ZDBF2: variants seen among roughly 807,000 people sequenced by gnomAD.
The protein encoded by ZDBF2 is zinc finger DBF-type containing 2.
Under a neutral mutation model 9.4 loss-of-function variants are expected in ZDBF2, and 6 were observed. The ratio of observed to expected loss-of-function variants is 0.64; its 90% CI spans 0.35 to 1.27. The LOEUF is 1.27. Ranked by LOEUF, ZDBF2 falls within the 50% of genes most tolerant of loss-of-function variation. The probability of loss-of-function intolerance (pLI) is 0.03; values close to 1 mark genes in which losing one functional copy is unlikely to be tolerated. For missense variants in ZDBF2, 2,697 were observed against 2,766.8 expected, an observed-to-expected ratio of 0.97 and a Z score of 0.57; for synonymous variants, 905 against 946.3, an observed-to-expected ratio of 0.96 and a Z score of 0.80.
chr2:206,285,052 G>A (rs1300748867), intron 3 of ZDBF2, among the ~76,000 whole-genome samples: 7 of 152,074 alleles, frequency 4.6e-5, no homozygotes, highest in Non-Finnish European at 1.0e-4. Context: ...ATCTGTTGAT[G>A]GACACTTAGA....
At chr2:206,299,775 G>C (rs1201884285) in intron 4 of ZDBF2, among the ~76,000 whole-genome samples, 1 of 151,810 alleles carries the variant, frequency 6.6e-6, no homozygotes, top group Non-Finnish European at 1.5e-5. Flanking sequence ...CATCCGGCCT[G>C]GGCAACATAG....
intron 1 of ZDBF2, among the ~76,000 whole-genome samples, chr2:206,278,628 C>T (rs1350664291): frequency 6.6e-6 from 1 of 152,146 alleles, no homozygotes. Flanking sequence ...TATTAATTTA[C>T]TATCTCCAAA....
intron 4 of ZDBF2, among the ~76,000 whole-genome samples, chr2:206,302,500 T>G (rs1391207855): frequency 1.3e-5 from 2 of 152,312 alleles, no homozygotes; most frequent in African/African-American, 4.8e-5. Context: ...ACCAGCTGTA[T>G]GATTTTATGA....
At chr2:206,281,013 G>C (rs1319348639) in intron 2 of ZDBF2, among the ~76,000 whole-genome samples, 1 of 152,068 alleles carries the variant, frequency 6.6e-6, no homozygotes, top group Non-Finnish European at 1.5e-5. Context: ...TTAATACATT[G>C]GTAGGGCATG....
chr2:206,280,142 C>T (rs1275876339), intron 2 of ZDBF2, among the ~76,000 whole-genome samples: 3 of 152,166 alleles, frequency 2.0e-5, no homozygotes, highest in Non-Finnish European at 4.4e-5. Context: ...AACGTATGTC[C>T]TGGGTTCCCT....
chr2:206,301,989 T>C (rs1206897454), intron 4 of ZDBF2, among the ~76,000 whole-genome samples: 1 of 151,210 alleles, frequency 6.6e-6, no homozygotes, highest in Non-Finnish European at 1.5e-5. Flanking sequence ...AGCTCAAGAG[T>C]TTTTCTTTTT....
Position 206,310,330 on chromosome 2 carries a change from T to A in ZDBF2, c.5802T>A (p.Ala1934=). The stretch of plus-strand genomic sequence containing the variant: ...CTCCTAAGCAAAAGGGGCGTGTGGC[T>A]TCTCAATGCCAGACAGCGAAAATCA... ...ERPPKQKGRV[A]SQCQTAKISH... Residue 1934 remains alanine, a synonymous_variant, in exon 5 of 5, where the codon GCT becomes GCA. Coordinates refer to ENST00000374423, the MANE Select transcript of ZDBF2 (RefSeq NM_020923.3). 4 of 1,613,938 alleles carry A rather than the reference T, an allele frequency of 2.5e-6. No individual in the cohort carries two copies. The highest frequency in any genetic ancestry group is 3.4e-6 in the Non-Finnish European group (4 of 1,179,872).
At chr2:206,282,849 G>C (rs181896766) in intron 3 of ZDBF2, among the ~76,000 whole-genome samples, 1 of 152,216 alleles carries the variant, frequency 6.6e-6, no homozygotes, top group Non-Finnish European at 1.5e-5. Context: ...AACCCTGTAC[G>C]CACTGAGCAG....
At chr2:206,296,524 A>G (rs539910891) in intron 3 of ZDBF2, among the ~76,000 whole-genome samples, 1 of 152,326 alleles carries the variant, frequency 6.6e-6, no homozygotes, top group East Asian at 1.9e-4. Flanking sequence ...AATCTTTATC[A>G]TAGGTATGTA....
At position 206,305,368 on chromosome 2, in the gene ZDBF2, A is replaced by G; in HGVS notation, c.840A>G (p.Lys280=). The G allele has an allele frequency of 6.2e-7, 1 of 1,612,986 alleles. No individual in the cohort carries two copies. Among genetic ancestry groups the G allele is most frequent in the South Asian group, 1.1e-5 (1 of 90,944 alleles). ...VLWKDVKSQG[K]TLSAGLKFHE... is the part of the protein sequence containing the mutation. ...GGAAAGATGTAAAATCTCAGGGTAAAACTTTATCAGCTGGCTTGAAATTCC... is the reference window on the plus strand; with the variant it reads ...GGAAAGATGTAAAATCTCAGGGTAAGACTTTATCAGCTGGCTTGAAATTCC... The change falls in exon 5 of 5, where the codon AAA becomes AAG. Residue 280 remains lysine, a synonymous_variant. Transcript: ENST00000374423.
At position 206,305,457 on chromosome 2, in the gene ZDBF2, C is replaced by G. The variant is rs541984086; in HGVS notation, c.929C>G (p.Pro310Arg). ...TCTCCTTCCAAATTAGCAGTAAACC[C>G]GAATAAAACTGACATGCCTTCTAAT... ...VKSPSKLAVN[P>R]NKTDMPSNKG... The change falls in exon 5 of 5, where the codon CCG becomes CGG. Residue 310 changes from proline (P) to arginine (R), a missense_variant. Coordinates refer to ENST00000374423, the MANE Select transcript of ZDBF2 (RefSeq NM_020923.3). 8.7e-6 allele frequency: 14 copies of G among 1,612,948 alleles called. No homozygotes were observed. The South Asian group carries it at 1.3e-4, about 15-fold the overall frequency.
Position 206,306,191 on chromosome 2 carries a change from G to C in ZDBF2, c.1663G>C (p.Val555Leu). Residue 555 changes from valine to leucine, a missense_variant, in exon 5 of 5, where the codon GTG becomes CTG. Coordinates refer to ENST00000374423, the MANE Select transcript of ZDBF2 (RefSeq NM_020923.3). Reference protein sequence around the residue: ...PLQSVVDRPPVAVTETKLRKK... With the variant: ...PLQSVVDRPPLAVTETKLRKK... ...GCAGTCAGTGGTTGACAGACCCCCA[G>C]TGGCTGTCACAGAAACAAAACTTCG... 1.9e-6 allele frequency: 3 copies of C among 1,613,658 alleles called. No homozygotes were observed. The highest frequency in any genetic ancestry group is 2.5e-6 in the Non-Finnish European group (3 of 1,179,784).
At chr2:206,295,822 C>A (rs1222775091) in intron 3 of ZDBF2, among the ~76,000 whole-genome samples, 1 of 152,096 alleles carries the variant, frequency 6.6e-6, no homozygotes, top group East Asian at 1.9e-4. Context: ...GACTTTTTCC[C>A]ATTCTGCTTG....
chr2:206,305,420 T>C lies in ZDBF2; in HGVS notation c.892T>C (p.Leu298=). The change falls in exon 5 of 5, where the codon TTA becomes CTA. Residue 298 remains leucine (L), a synonymous_variant. Coordinates refer to ENST00000374423, the MANE Select transcript of ZDBF2 (RefSeq NM_020923.3). ...FHERMGTKGS[L]RVKSPSKLAV... is the part of the protein sequence containing the mutation. ...TGAACGCATGGGTACTAAGGGCTCCTTAAGAGTTAAATCTCCTTCCAAATT... is the reference window on the plus strand; with the variant it reads ...TGAACGCATGGGTACTAAGGGCTCCCTAAGAGTTAAATCTCCTTCCAAATT... The C allele has an allele frequency of 6.2e-7, 1 of 1,613,484 alleles. No homozygotes were observed. The highest frequency in any genetic ancestry group is 1.3e-5 in the African/African-American group (1 of 75,036).
Position 206,311,217 on chromosome 2 carries a change from ACTC to A in ZDBF2, c.6690_6692del (p.Ser2231del). The A allele has an allele frequency of 6.2e-7, 1 of 1,612,038 alleles. No individual in the cohort carries two copies. Among genetic ancestry groups the A allele is most frequent in the Non-Finnish European group, 8.5e-7 (1 of 1,179,218 alleles). On this transcript the variant is annotated inframe_deletion, in exon 5 of 5. Transcript: ENST00000374423. Reference sequence around the variant, plus strand: ...ATCATTAGAAAGTATATTTCGAAATACTCTGTCTTTTTACGTCATAGATATCAG... The same window carrying A: ...ATCATTAGAAAGTATATTTCGAAATATGTCTTTTTACGTCATAGATATCAG...
chr2:206,301,975 T>G (rs1692527040), intron 4 of ZDBF2, among the ~76,000 whole-genome samples: 1 of 152,008 alleles, frequency 6.6e-6, no homozygotes, highest in African/African-American at 2.4e-5. Context: ...TGTTTTTTTT[T>G]TTTAGCTCAA....
chr2:206,311,552 A>G lies in ZDBF2; in HGVS notation c.7024A>G (p.Thr2342Ala). 2 of 1,529,446 alleles carry G rather than the reference A, an allele frequency of 1.3e-6. No individual in the cohort carries two copies. The highest frequency in any genetic ancestry group is 2.3e-5 in the East Asian group (1 of 43,968). 94.7% of individuals were successfully genotyped at this position (1,529,446 alleles called of 1,614,324 possible). Residue 2342 changes from threonine to alanine, a missense_variant, in exon 5 of 5, where the codon ACT becomes GCT. By Grantham distance (58) the Thr-to-Ala change is moderately conservative. Around this residue, in one of 3 missense-constraint regions of ZDBF2, gnomAD observed 1,783 missense variants for 1,776.5 expected, o/e 1.00. Coordinates refer to ENST00000374423, the MANE Select transcript of ZDBF2 (RefSeq NM_020923.3). ...SCLQQRERMM[T>A]RLANKLRGNE... is the part of the protein sequence containing the mutation. ...TTTACAACAACGTGAGAGAATGATG[A>G]CTCGGCTAGCAAACAAACTGAGAGG...
Position 206,310,181 on chromosome 2 carries a change from G to A in ZDBF2, c.5653G>A (p.Glu1885Lys). ...KVTWADLQGK[E>K]DTAPTQAVSE... is the part of the protein sequence containing the mutation. The stretch of plus-strand genomic sequence containing the variant: ...TACCTGGGCTGACTTGCAAGGTAAG[G>A]AGGACACTGCACCAACTCAAGCTGT... Residue 1885 changes from glutamate to lysine, a missense_variant, in exon 5 of 5, where the codon GAG (glutamate) becomes AAG (lysine). This residue lies in a region of ZDBF2 where 1,783 missense variants were observed against 1,776.5 expected (regional missense o/e 1.00). Transcript: ENST00000374423. 1 of 1,613,972 alleles carries A rather than the reference G, an allele frequency of 6.2e-7. No individual in the cohort carries two copies. Among genetic ancestry groups the A allele is most frequent in the Non-Finnish European group, 8.5e-7 (1 of 1,179,876 alleles).
intron 3 of ZDBF2, among the ~76,000 whole-genome samples, chr2:206,286,066 A>G (rs1052541023): frequency 2.0e-5 from 3 of 152,220 alleles, no homozygotes; most frequent in African/African-American, 7.2e-5. Flanking sequence ...GTCAGAAAAG[A>G]TACTTGATAT....
Sources: allele counts gnomAD v4.1 joint callset (sites outside exome capture counted in the v4.1 genomes callset), GRCh38; gene constraint gnomAD v4.1.1; regional missense constraint gnomAD v4.1.1; transcripts MANE v1.5; gene names NCBI Gene and HGNC (gene_info 2026-07-23, HGNC 2026-07-21).